SLC25A21: variants seen among roughly 807,000 people sequenced by gnomAD.
The protein encoded by SLC25A21 is solute carrier family 25 member 21, also known as mitochondrial 2-oxodicarboxylate carrier.
A neutral mutation model predicts 43.8 loss-of-function variants in SLC25A21; 47 were observed. The observed-to-expected ratio is 1.07, with a 90% CI of 0.85 to 1.37. The LOEUF (loss-of-function observed/expected upper bound fraction) is 1.37, where lower values mean the gene tolerates loss of function less well. Among genes scored for constraint, SLC25A21 ranks in the 40% most tolerant of loss-of-function variants. The probability of loss-of-function intolerance (pLI) is 0.00; values close to 1 mark genes in which losing one functional copy is unlikely to be tolerated. For synonymous variants in SLC25A21, 131 were observed against 121.3 expected, an observed-to-expected ratio of 1.08 and a Z score of -0.52; for missense variants, 352 against 350.2, an observed-to-expected ratio of 1.00 and a Z score of -0.04.
intron 3 of SLC25A21, among the ~76,000 whole-genome samples, chr14:36,738,465 G>A (rs1329562628): frequency 6.6e-6 from 1 of 152,192 alleles, no homozygotes; most frequent in Non-Finnish European, 1.5e-5. Flanking sequence ...TTGTTAACAT[G>A]CGTCATCCCG....
intron 1 of SLC25A21, among the ~76,000 whole-genome samples, chr14:37,036,184 G>A (rs1215531174): frequency 1.3e-5 from 2 of 151,488 alleles, no homozygotes; most frequent in Non-Finnish European, 2.9e-5. Flanking sequence ...CAACCAACAG[G>A]AAATGCCAGA....
intron 3 of SLC25A21, among the ~76,000 whole-genome samples, chr14:36,764,332 C>G (rs1344640253): frequency 6.6e-6 from 1 of 151,652 alleles, no homozygotes; most frequent in African/African-American, 2.4e-5. Flanking sequence ...TCCCCTGGCC[C>G]AGCCCCCAGT....
chr14:37,073,830 G>T (rs149585186), intron 1 of SLC25A21, among the ~76,000 whole-genome samples: 3 of 151,942 alleles, frequency 2.0e-5, no homozygotes, highest in African/African-American at 7.3e-5. Context: ...CGATCCCACT[G>T]CTCCTTGATT....
At chr14:36,779,071 T>C (rs1269065294) in intron 3 of SLC25A21, among the ~76,000 whole-genome samples, 1 of 151,778 alleles carries the variant, frequency 6.6e-6, no homozygotes, top group Non-Finnish European at 1.5e-5. Flanking sequence ...ATGCAGTATG[T>C]GTCTTTCTGT....
intron 1 of SLC25A21, among the ~76,000 whole-genome samples, chr14:37,021,550 C>A (rs557958210): frequency 6.6e-6 from 1 of 152,060 alleles, no homozygotes; most frequent in Non-Finnish European, 1.5e-5. Context: ...TAATGTCTCT[C>A]TTGGGAGCAA....
intron 3 of SLC25A21, among the ~76,000 whole-genome samples, chr14:36,810,958 A>AGT (rs1888237649): frequency 6.6e-6 from 1 of 151,734 alleles, no homozygotes; most frequent in Non-Finnish European, 1.5e-5. Context: ...TAGAGAAAAG[A>AGT]GGGTCAGGGA....
chr14:36,961,435 G>T (rs2138674548), intron 1 of SLC25A21, among the ~76,000 whole-genome samples: 1 of 152,078 alleles, frequency 6.6e-6, no homozygotes, highest in East Asian at 1.9e-4. Flanking sequence ...TTTAATGAAG[G>T]ACATCCAAGG....
rs1192515724 is a variant in SLC25A21, at chr14:37,172,470, T to A, written c.-120A>T. ...GGTCCTCAAGCGCGTTGGCTCCCTG[T>A]GGAGCAGCAATCCGGCGACTGCTGG... On this transcript the variant is annotated 5_prime_UTR_variant, in exon 1 of 10. Transcript: ENST00000331299. The A allele has an allele frequency of 9.9e-7, 1 of 1,013,398 alleles. No homozygotes were observed. Among genetic ancestry groups the A allele is most frequent in the East Asian group, 2.6e-5 (1 of 38,506 alleles). 62.8% of individuals were successfully genotyped at this position (1,013,398 alleles called of 1,614,324 possible).
At chr14:37,053,668 A>T (rs1345129851) in intron 1 of SLC25A21, among the ~76,000 whole-genome samples, 1 of 152,184 alleles carries the variant, frequency 6.6e-6, no homozygotes, top group Non-Finnish European at 1.5e-5. Flanking sequence ...AGCTTCAGGG[A>T]GGAAATGTGC....
chr14:36,750,090 A>G (rs1012559132), intron 3 of SLC25A21, among the ~76,000 whole-genome samples: 1 of 152,208 alleles, frequency 6.6e-6, no homozygotes, highest in African/African-American at 2.4e-5. Context: ...TGTTGACTGG[A>G]AGGATAAATG....
intron 1 of SLC25A21, among the ~76,000 whole-genome samples, chr14:36,935,876 G>T (rs2138642455): frequency 6.6e-6 from 1 of 152,124 alleles, no homozygotes; most frequent in South Asian, 2.1e-4. Flanking sequence ...ACTTTCCTTT[G>T]CATATGTATG....
chr14:36,866,663 C>T (rs1890222311), intron 2 of SLC25A21, among the ~76,000 whole-genome samples: 1 of 152,162 alleles, frequency 6.6e-6, no homozygotes, highest in South Asian at 2.1e-4. Context: ...TGGACTCTGT[C>T]CTTCTCTGTA....
chr14:36,922,902 A>G (rs1303065994), intron 1 of SLC25A21, among the ~76,000 whole-genome samples: 1 of 152,172 alleles, frequency 6.6e-6, no homozygotes, highest in Non-Finnish European at 1.5e-5. Context: ...TGAAATCCAG[A>G]CCCTCAACAA....
intron 1 of SLC25A21, among the ~76,000 whole-genome samples, chr14:37,088,676 T>C (rs866895171): frequency 9.9e-5 from 15 of 152,196 alleles, no homozygotes; most frequent in African/African-American, 3.6e-4. Flanking sequence ...CAGTCATCCA[T>C]CAAACTGAAG....
chr14:36,919,993 T>A (rs1481984895), intron 1 of SLC25A21, among the ~76,000 whole-genome samples: 2 of 152,026 alleles, frequency 1.3e-5, no homozygotes, highest in Non-Finnish European at 2.9e-5. Context: ...TTCTCCAAAC[T>A]TTTCCTTTGA....
chr14:37,096,268 G>T (rs1962692253), intron 1 of SLC25A21, among the ~76,000 whole-genome samples: 2 of 152,154 alleles, frequency 1.3e-5, no homozygotes, highest in African/African-American at 4.8e-5. Context: ...CAGAATTGTA[G>T]TTATAAACAG....
chr14:37,106,225 A>G (rs1255248163), intron 1 of SLC25A21, among the ~76,000 whole-genome samples: 1 of 152,148 alleles, frequency 6.6e-6, no homozygotes, highest in Non-Finnish European at 1.5e-5. Flanking sequence ...ATAAGGTCTG[A>G]CTGCCTGTGG....
At chr14:37,152,009 T>C (rs1337398723) in intron 1 of SLC25A21, among the ~76,000 whole-genome samples, 1 of 152,154 alleles carries the variant, frequency 6.6e-6, no homozygotes, top group African/African-American at 2.4e-5. Context: ...CACTCCAGTG[T>C]GGGCGACAGA....
chr14:36,941,156 C>G (rs1892547063), intron 1 of SLC25A21, among the ~76,000 whole-genome samples: 1 of 148,782 alleles, frequency 6.7e-6, no homozygotes, highest in African/African-American at 2.6e-5. Flanking sequence ...CGGGAGTACA[C>G]AGAGGGCCTT....
Sources: gnomAD v4.1 joint callset for allele counts (sites outside exome capture counted in the v4.1 genomes callset) on GRCh38, gnomAD v4.1.1 for gene constraint, MANE v1.5 for transcripts, NCBI Gene and HGNC (gene_info 2026-07-23, HGNC 2026-07-21) for gene names.